EPHB6: variants seen among roughly 807,000 people sequenced by gnomAD.
The protein encoded by EPHB6 is ephrin type-B receptor 6.
EPHB6 carries 51 observed loss-of-function variants against 107.0 expected under a neutral mutation model. The observed-to-expected ratio is 0.48, with a 90% CI of 0.38 to 0.60. The LOEUF (loss-of-function observed/expected upper bound fraction) is 0.60. Ranked by LOEUF, EPHB6 falls within the 20% of genes least tolerant of loss-of-function variation. The pLI is 0.00. For missense variants in EPHB6, 1,141 were observed against 1,355.5 expected (o/e 0.84, Z 2.48); for synonymous variants, 553 against 549.0 (o/e 1.01, Z -0.10).
rs1802541507 is a variant in EPHB6, at chr7:142,855,223, C to G, written c.-594C>G. The G allele has an allele frequency of 6.6e-6, 1 of 152,164 alleles. No homozygotes were observed. 9.4% of individuals were successfully genotyped at this position (152,164 alleles called of 1,614,324 possible). A position where few individuals can be genotyped will look rare whatever the true frequency, so the allele number is the denominator to read the frequency against. ...CCCTGCCGCCAGCGTCAGGTCCACCCCGGAATCCCAGGGACTCTCGGCGCC... is the reference window on the plus strand; with the variant it reads ...CCCTGCCGCCAGCGTCAGGTCCACCGCGGAATCCCAGGGACTCTCGGCGCC... On this transcript the variant is annotated 5_prime_UTR_variant, in exon 1 of 20. Transcript: ENST00000652003. The surrounding 1 kb of genome is among the most constrained non-coding windows in gnomAD (Gnocchi z 4.2).
chr7:142,864,604 G>A lies in EPHB6; in HGVS notation c.804G>A (p.Glu268=), dbSNP rs1210208807. The A allele has an allele frequency of 4.7e-5, 75 of 1,612,658 alleles. No individual in the cohort carries two copies. The highest frequency in any genetic ancestry group is 6.2e-5 in the Non-Finnish European group (73 of 1,179,766). ...TGGGCACCTGTGTGGCTCATGCAGA[G>A]CCAGAGGAGGATGGAGTAGGGGGCC... The part of the protein sequence containing the change: ...AAVGTCVAHA[E]PEEDGVGGQA... Residue 268 remains glutamate (E), a synonymous_variant, in exon 7 of 20, where the codon GAG becomes GAA. Coordinates refer to ENST00000652003, the MANE Select transcript of EPHB6 (RefSeq NM_004445.6).
chr7:142,865,603 T>G lies in EPHB6; in HGVS notation c.1078T>G (p.Ser360Ala). Residue 360 changes from serine (S) to alanine (A), a missense_variant, in exon 8 of 20, where the codon TCC becomes GCC. Around this residue, in one of 3 missense-constraint regions of EPHB6, gnomAD observed 304 missense variants for 295.7 expected, o/e 1.03. Coordinates refer to ENST00000652003, the MANE Select transcript of EPHB6 (RefSeq NM_004445.6). ...PCLEGFYRAS[S>A]DPPEAPCTGP... ...CCTGGAGGGCTTCTACCGGGCCAGTTCCGACCCACCAGAGGCCCCCTGCAC... is the reference window on the plus strand; with the variant it reads ...CCTGGAGGGCTTCTACCGGGCCAGTGCCGACCCACCAGAGGCCCCCTGCAC... The G allele has an allele frequency of 6.2e-7, 1 of 1,613,698 alleles. No individual in the cohort carries two copies. Among genetic ancestry groups the G allele is most frequent in the Non-Finnish European group, 8.5e-7 (1 of 1,180,000 alleles).
chr7:142,870,660 A>G lies in EPHB6; in HGVS notation c.2935A>G (p.Ser979Gly). Reference sequence around the variant, plus strand: ...CTCCAAGTTTGGCCTCTGTACCTTCAGTGATGTGGCTCAGCTCAGCCTAGA... The same window carrying G: ...CTCCAAGTTTGGCCTCTGTACCTTCGGTGATGTGGCTCAGCTCAGCCTAGA... ...NFSKFGLCTF[S>G]DVAQLSLEDL... The change falls in exon 19 of 20, where the codon AGT becomes GGT. Residue 979 changes from serine (S) to glycine (G), a missense_variant. By Grantham distance (56) the Ser-to-Gly change is moderately conservative. Transcript: ENST00000652003. 6.2e-7 allele frequency: 1 copy of G among 1,614,146 alleles called. No individual in the cohort carries two copies. The highest frequency in any genetic ancestry group is 8.5e-7 in the Non-Finnish European group (1 of 1,180,024).
At position 142,864,165 on chromosome 7, in the gene EPHB6, G is replaced by A. The variant is rs768197335; in HGVS notation, c.365G>A (p.Gly122Asp). 2.5e-6 allele frequency: 4 copies of A among 1,613,876 alleles called. No individual in the cohort carries two copies. Among genetic ancestry groups the A allele is most frequent in the Non-Finnish European group, 2.5e-6 (3 of 1,180,036 alleles). Residue 122 changes from glycine (G) to aspartate (D), a missense_variant, in exon 7 of 20, where the codon GGC becomes GAC. Gly to Asp is a moderately conservative substitution (Grantham distance 94). Coordinates refer to ENST00000652003, the MANE Select transcript of EPHB6 (RefSeq NM_004445.6). ...RACSSLGVSG[G>D]TCRETFTLYY... ...TGCTCCAGCCTGGGTGTGAGCGGCG[G>A]CACCTGCCGGGAGACCTTCACCCTT... is the stretch of plus-strand genomic sequence containing the variant.
In EPHB6 at chr7:142,870,973, C is replaced by T; in HGVS notation, c.*69C>T. 6.9e-7 allele frequency: 1 copy of T among 1,442,594 alleles called. No individual in the cohort carries two copies. The highest frequency in any genetic ancestry group is 1.2e-5 in the South Asian group (1 of 83,782). The allele number at this position is 1,442,594 out of a possible 1,614,324, so 89.4% of individuals were successfully genotyped here. On this transcript the variant is annotated 3_prime_UTR_variant, in exon 20 of 20. Coordinates refer to ENST00000652003, the MANE Select transcript of EPHB6 (RefSeq NM_004445.6). ...AGGGACATGTGGGACGTGAGCCGGG[C>T]TCCAACAGCCTCTGTGAGAGATGCC...
chr7:142,867,701 T>G lies in EPHB6; in HGVS notation c.1844T>G (p.Val615Gly). The G allele has an allele frequency of 6.2e-7, 1 of 1,612,724 alleles. No individual in the cohort carries two copies. Among genetic ancestry groups the G allele is most frequent in the Non-Finnish European group, 8.5e-7 (1 of 1,179,800 alleles). The change falls in exon 12 of 20, where the codon GTG becomes GGG. Residue 615 changes from valine to glycine, a missense_variant. Physicochemically the swap from Val to Gly is moderately radical, Grantham distance 109. Coordinates refer to ENST00000652003, the MANE Select transcript of EPHB6 (RefSeq NM_004445.6). The surrounding 1 kb of genome is among the most constrained non-coding windows in gnomAD (Gnocchi z 5.3). ...TTCCTCCTGCTGGCAGCCATCACCG[T>G]GCTGGCGGTCGTCTTCCAGCGGTGA... ...LAFLLLAAIT[V>G]LAVVFQRKRR...
At position 142,866,036 on chromosome 7, in the gene EPHB6, G is replaced by C. The variant is rs1310510782; in HGVS notation, c.1182G>C (p.Arg394=). The change falls in exon 9 of 20, where the codon CGG becomes CGC. Residue 394 remains arginine (R), a synonymous_variant. Coordinates refer to ENST00000652003, the MANE Select transcript of EPHB6 (RefSeq NM_004445.6). The surrounding 1 kb of genome is among the most constrained non-coding windows in gnomAD (Gnocchi z 5.2). ...TCATGCTACACTGGCGCCTGCCTCG[G>C]GAGCTGGGGGGTCGAGGGGACCTGC... ...SALMLHWRLP[R]ELGGRGDLLF... The C allele has an allele frequency of 6.2e-7, 1 of 1,613,088 alleles. No individual in the cohort carries two copies. The highest frequency in any genetic ancestry group is 8.5e-7 in the Non-Finnish European group (1 of 1,179,648).
In EPHB6 at chr7:142,870,001, C is replaced by T. The variant is rs534722052; in HGVS notation, c.2610+35C>T. Reference sequence around the variant, plus strand: ...GACCTAGACACTGCTGATTTCCCACCCCGATCCCTCCCAGGTTGGAACATT... The same window carrying T: ...GACCTAGACACTGCTGATTTCCCACTCCGATCCCTCCCAGGTTGGAACATT... On this transcript the variant is annotated intron_variant, in intron 17 of 19. Coordinates refer to ENST00000652003, the MANE Select transcript of EPHB6 (RefSeq NM_004445.6). 14 of 1,614,078 alleles carry T rather than the reference C, an allele frequency of 8.7e-6. No individual in the cohort carries two copies. In the East Asian group the frequency reaches 2.7e-4, roughly 31 times the overall value.
chr7:142,856,722 AG>A (rs1407421310), intron 1 of EPHB6, among the ~76,000 whole-genome samples: 1 of 152,126 alleles, frequency 6.6e-6, no homozygotes, highest in African/African-American at 2.4e-5. Flanking sequence ...TTTCTGCAGA[AG>A]TACCTCCTGG....
chr7:142,870,026 T>C (rs1007664783), intron 17 of EPHB6, 60 bp downstream of exon 17: 36 of 1,611,838 alleles, frequency 2.2e-5, no homozygotes, highest in Middle Eastern at 1.7e-4. Context: ...GTTGGAACAT[T>C]CTAGGACCTC....
chr7:142,868,832 C>T lies in EPHB6; in HGVS notation c.2286+93C>T, dbSNP rs1332468918. ...GTATCTTTGCTTCTTACCACCCCAC[C>T]TTCCATGGTCTCCGTCCTTCCTTCC... is the stretch of plus-strand genomic sequence containing the variant. On this transcript the variant is annotated intron_variant, in intron 15 of 19. Transcript: ENST00000652003. The surrounding 1 kb of genome is among the most constrained non-coding windows in gnomAD (Gnocchi z 4.2). 2 of 1,605,408 alleles carry T rather than the reference C, an allele frequency of 1.2e-6. No homozygotes were observed. Among genetic ancestry groups the T allele is most frequent in the African/African-American group, 1.3e-5 (1 of 74,948 alleles).
rs1317971189 is a variant in EPHB6 at position 142,866,605 on chromosome 7, G to A, written c.1587G>A (p.Gln529=). 1.2e-6 allele frequency: 2 copies of A among 1,614,012 alleles called. No homozygotes were observed. Among genetic ancestry groups the A allele is most frequent in the South Asian group, 1.1e-5 (1 of 91,078 alleles). The change falls in exon 10 of 20, where the codon CAG becomes CAA. Residue 529 remains glutamine (Q), a splice_region_variant and synonymous_variant. Transcript: ENST00000652003. The surrounding 1 kb of genome is among the most constrained non-coding windows in gnomAD (Gnocchi z 5.2). ...ACTATCAGCTCCGCTACTATGACCA[G>A]GTGCGCAGGAGGAGTGGGGGTTCCG... ...ILDYQLRYYD[Q]AEDESHSFTL... is the part of the protein sequence containing the mutation.
chr7:142,866,741 C>T lies in EPHB6; in HGVS notation c.1587+136C>T, dbSNP rs1382218315. ...GGCTGGCAGGAGCTCACAGTCCCCA[C>T]AGTAGGGGCCAGAGGCTGAATGGGC... On this transcript the variant is annotated intron_variant, in intron 10 of 19. Coordinates refer to ENST00000652003, the MANE Select transcript of EPHB6 (RefSeq NM_004445.6). This position sits in a 1 kb window ranked among gnomAD's most constrained non-coding sequence, Gnocchi z 5.2. The T allele has an allele frequency of 1.3e-6, 2 of 1,578,678 alleles. No homozygotes were observed. The highest frequency in any genetic ancestry group is 1.7e-6 in the Non-Finnish European group (2 of 1,153,516).
At position 142,867,311 on chromosome 7, in the gene EPHB6, T is replaced by C; in HGVS notation, c.1750+243T>C. ...GGGCTGTGGGGATGTGTGTGTGTGT[T>C]GTGTGTCCCTGGGTGTGGATGTGGG... On this transcript the variant is annotated intron_variant, in intron 11 of 19. Coordinates refer to ENST00000652003, the MANE Select transcript of EPHB6 (RefSeq NM_004445.6). This position sits in a 1 kb window ranked among gnomAD's most constrained non-coding sequence, Gnocchi z 5.3. The C allele has an allele frequency of 1.6e-6, 1 of 629,590 alleles. No homozygotes were observed. Among genetic ancestry groups the C allele is most frequent in the Admixed American group, 2.6e-5 (1 of 38,056 alleles). The allele number at this position is 629,590 out of a possible 1,614,324, so 39.0% of individuals were successfully genotyped here.
Position 142,865,948 on chromosome 7 carries a change from C to T in EPHB6, c.1106-12C>T. On this transcript the variant is annotated splice_polypyrimidine_tract_variant and intron_variant, in intron 8 of 19. Coordinates refer to ENST00000652003, the MANE Select transcript of EPHB6 (RefSeq NM_004445.6). ...CTTGGCCCTTGGACTGCCATATCCT[C>T]CGGCCCCCCAGGTCCTCCATCGGCT... 1.2e-6 allele frequency: 2 copies of T among 1,613,402 alleles called. No individual in the cohort carries two copies. Among genetic ancestry groups the T allele is most frequent in the East Asian group, 4.5e-5 (2 of 44,870 alleles).
Position 142,855,185 on chromosome 7 carries a change from C to T in EPHB6, c.-632C>T, listed in dbSNP as rs982932730. On this transcript the variant is annotated 5_prime_UTR_variant, in exon 1 of 20. Coordinates refer to ENST00000652003, the MANE Select transcript of EPHB6 (RefSeq NM_004445.6). This position sits in a 1 kb window ranked among gnomAD's most constrained non-coding sequence, Gnocchi z 4.2. ...GCCCCCAGGATCTCCCGGCGCCCCACCTCTGGAGCAGCCCCTGCCGCCAGC... is the reference window on the plus strand; with the variant it reads ...GCCCCCAGGATCTCCCGGCGCCCCATCTCTGGAGCAGCCCCTGCCGCCAGC... 1 of 152,364 alleles carries T rather than the reference C, an allele frequency of 6.6e-6. No individual in the cohort carries two copies. The highest frequency in any genetic ancestry group is 6.5e-5 in the Admixed American group (1 of 15,306). The allele number at this position is 152,364 out of a possible 1,614,324, so 9.4% of individuals were successfully genotyped here. A position where few individuals can be genotyped will look rare whatever the true frequency, so the allele number is the denominator to read the frequency against.
At position 142,868,689 on chromosome 7, in the gene EPHB6, A is replaced by G; in HGVS notation, c.2236A>G (p.Met746Val). ...CGTGGTCACCAAGAGCCGACCCCTC[A>G]TGGTGCTGACGGAGTTCATGGAGCT... ...EGVVTKSRPL[M>V]VLTEFMELGP... Residue 746 changes from methionine (M) to valine (V), a missense_variant, in exon 15 of 20, where the codon ATG (methionine) becomes GTG (valine). Met to Val is a conservative substitution (Grantham distance 21). This residue lies in a region of EPHB6 where 616 missense variants were observed against 759.3 expected (regional missense o/e 0.81). Transcript: ENST00000652003. This position sits in a 1 kb window ranked among gnomAD's most constrained non-coding sequence, Gnocchi z 4.2. The G allele has an allele frequency of 6.2e-7, 1 of 1,613,864 alleles. No homozygotes were observed. The highest frequency in any genetic ancestry group is 8.5e-7 in the Non-Finnish European group (1 of 1,179,988).
At chr7:142,863,565 T>G in intron 5 of EPHB6, 66 bp from the exon 6 acceptor site, 1 of 1,564,996 alleles carries the variant, frequency 6.4e-7, no homozygotes, top group South Asian at 1.1e-5. Flanking sequence ...GCGGTGGGAA[T>G]AGAGTAGGGG....
Position 142,869,154 on chromosome 7 carries a change from G to C in EPHB6, c.2460+7G>C. 6.2e-7 allele frequency: 1 copy of C among 1,611,746 alleles called. No homozygotes were observed. Among genetic ancestry groups the C allele is most frequent in the Non-Finnish European group, 8.5e-7 (1 of 1,179,088 alleles). ...TCTTGGCCACAGTCCTCAGGTGAGAGCACAGCCTTGGGGACACAGCCTGGG... is the reference window on the plus strand; with the variant it reads ...TCTTGGCCACAGTCCTCAGGTGAGACCACAGCCTTGGGGACACAGCCTGGG... On this transcript the variant is annotated splice_region_variant and intron_variant, in intron 16 of 19. Coordinates refer to ENST00000652003, the MANE Select transcript of EPHB6 (RefSeq NM_004445.6). The surrounding 1 kb of genome is among the most constrained non-coding windows in gnomAD (Gnocchi z 4.5).
Sources: allele counts gnomAD v4.1 joint callset (sites outside exome capture counted in the v4.1 genomes callset), GRCh38; gene constraint gnomAD v4.1.1; regional missense constraint gnomAD v4.1.1; non-coding constraint Gnocchi (gnomAD v3.1); transcripts MANE v1.5; gene names NCBI Gene and HGNC (gene_info 2026-07-23, HGNC 2026-07-21).